CNOT8: variants seen among roughly 807,000 people sequenced by gnomAD.
The protein encoded by CNOT8 is CAF1-like protein.
A neutral mutation model predicts 34.6 loss-of-function variants in CNOT8; 18 were observed. The observed-to-expected ratio is 0.52, with a 90% confidence interval of 0.36 to 0.77. The LOEUF (loss-of-function observed/expected upper bound fraction) is 0.77, where lower values mean the gene tolerates loss of function less well. Ranked by LOEUF, CNOT8 falls within the 30% of genes least tolerant of loss-of-function variation. The pLI, the probability that CNOT8 is intolerant of heterozygous loss-of-function variation, is 0.00. For missense variants in CNOT8, 189 were observed against 347.9 expected (o/e 0.54, Z 3.63); for synonymous variants, 101 against 118.8 (o/e 0.85, Z 0.98).
Position 154,875,780 on chromosome 5 carries a change from A to AC in CNOT8, c.*343dup, listed in dbSNP as rs1463990688. On this transcript the variant is annotated 3_prime_UTR_variant, in exon 7 of 7. Coordinates refer to ENST00000285896, the MANE Select transcript of CNOT8 (RefSeq NM_001301073.2). ...AAGTAGTAAAATGTATATAACTCTT[A>AC]CCTGTTGTCATTCTTTTTCTTTTAA... The AC allele has an allele frequency of 5.6e-6, 1 of 179,470 alleles. No individual in the cohort carries two copies. Among genetic ancestry groups the AC allele is most frequent in the Non-Finnish European group, 1.2e-5 (1 of 84,878 alleles). 11.1% of individuals were successfully genotyped at this position (179,470 alleles called of 1,614,324 possible).
At chr5:154,873,333 C>T (rs758991859) in intron 6 of CNOT8, among the ~76,000 whole-genome samples, 49 of 152,232 alleles carry the variant, frequency 3.2e-4, no homozygotes, top group Non-Finnish European at 6.6e-4. Context: ...TTTCCAGTAA[C>T]CAAGTATTCT....
intron 1 of CNOT8, 130 bp downstream of exon 1, chr5:154,858,898 C>G (rs994017079): frequency 6.6e-6 from 1 of 152,160 alleles, no homozygotes; most frequent in Non-Finnish European, 1.5e-5. Flanking sequence ...GGAGAGGAAC[C>G]CCAGCAAAGA....
intron 4 of CNOT8, among the ~76,000 whole-genome samples, chr5:154,871,285 G>A (rs1762459117): frequency 6.6e-6 from 1 of 152,048 alleles, no homozygotes; most frequent in Non-Finnish European, 1.5e-5. Context: ...TAGGCCGGGC[G>A]CAGTGGCTCA....
chr5:154,872,091 C>G, intron 5 of CNOT8, among the ~76,000 whole-genome samples: 1 of 152,156 alleles, frequency 6.6e-6, no homozygotes, highest in South Asian at 2.1e-4. Context: ...CATCTTAAGG[C>G]AGGCATTCTT....
At chr5:154,875,065 T>C (rs151108307) in intron 6 of CNOT8, among the ~76,000 whole-genome samples, 1,728 of 152,016 alleles carry the variant, frequency 0.011, 28 homozygotes, top group African/African-American at 0.04. Context: ...TACAGGTATG[T>C]GCCACCATGC....
chr5:154,860,571 G>T (rs113126939), intron 1 of CNOT8, among the ~76,000 whole-genome samples: 1 of 152,144 alleles, frequency 6.6e-6, no homozygotes, highest in Non-Finnish European at 1.5e-5. Flanking sequence ...CCTCTCAAAA[G>T]TGCTGGGATT....
chr5:154,860,611 T>C (rs1761241383), intron 1 of CNOT8, among the ~76,000 whole-genome samples: 1 of 152,220 alleles, frequency 6.6e-6, no homozygotes, highest in African/African-American at 2.4e-5. Flanking sequence ...CTTATCCTGC[T>C]GGTATTTAAG....
intron 3 of CNOT8, among the ~76,000 whole-genome samples, chr5:154,869,065 C>T (rs755867181): frequency 1.1e-4 from 16 of 152,060 alleles, no homozygotes; most frequent in South Asian, 4.2e-4. Flanking sequence ...CTGGAAGGCG[C>T]GTCAGGTCAT....
chr5:154,864,606 G>A (rs77565976), intron 2 of CNOT8, among the ~76,000 whole-genome samples: 3,465 of 151,956 alleles, frequency 0.023, 127 homozygotes, highest in African/African-American at 0.08. Context: ...TTCATATATT[G>A]TTCTCTACCT....
intron 2 of CNOT8, 48 bp downstream of exon 2, chr5:154,863,443 G>C (rs775403405): frequency 7.1e-7 from 1 of 1,409,620 alleles, no homozygotes; most frequent in Non-Finnish European, 1.0e-6. Flanking sequence ...TTTAAAGTTG[G>C]GGTCTTGCTC....
intron 6 of CNOT8, 145 bp from the exon 7 acceptor site, chr5:154,875,145 G>A (rs1164137580): frequency 6.1e-6 from 5 of 819,040 alleles, no homozygotes; most frequent in Non-Finnish European, 7.7e-6. Context: ...TCGACCTCCT[G>A]ACCCCAAGTG....
chr5:154,870,686 A>G lies in CNOT8; in HGVS notation c.337A>G (p.Ile113Val). Residue 113 changes from isoleucine (I) to valine (V), a missense_variant, in exon 4 of 7, where the codon ATA (isoleucine) becomes GTA (valine). Around this residue, in one of 2 missense-constraint regions of CNOT8, gnomAD observed 160 missense variants for 321.9 expected, o/e 0.50. Transcript: ENST00000285896. ...LTEDMYSQDSIDLLANSGLQF... is the reference protein window; with the variant it reads ...LTEDMYSQDSVDLLANSGLQF... ...AGAGGACATGTACTCCCAGGATTCC[A>G]TAGATCTCCTTGCTAACTCAGGACT... The G allele has an allele frequency of 1.2e-6, 2 of 1,614,054 alleles. No individual in the cohort carries two copies. The highest frequency in any genetic ancestry group is 1.1e-5 in the South Asian group (1 of 91,046).
intron 1 of CNOT8, among the ~76,000 whole-genome samples, chr5:154,861,054 G>C (rs1298305906): frequency 3.3e-5 from 5 of 152,090 alleles, no homozygotes; most frequent in Non-Finnish European, 7.4e-5. Flanking sequence ...ATTTCAGTTA[G>C]GGAAATAAGG....
At chr5:154,867,753 A>G (rs2113327709) in intron 3 of CNOT8, 1 of 252,224 alleles carries the variant, frequency 4.0e-6, no homozygotes, top group Non-Finnish European at 8.2e-6. Context: ...ACATAGGAGA[A>G]CAGACAACAC....
chr5:154,863,078 G>A (rs765150908), intron 1 of CNOT8, 129 bp from the exon 2 acceptor site: 161 of 489,796 alleles, frequency 3.3e-4, no homozygotes, highest in Non-Finnish European at 5.0e-4. Flanking sequence ...CATATAAAAT[G>A]GAGAATAAAT....
intron 3 of CNOT8, among the ~76,000 whole-genome samples, chr5:154,869,118 T>TG (rs1253021171): frequency 2.0e-5 from 3 of 151,888 alleles, no homozygotes; most frequent in African/African-American, 7.3e-5. Flanking sequence ...ATTTTTTTGT[T>TG]GGTTTATTTT....
intron 3 of CNOT8, among the ~76,000 whole-genome samples, chr5:154,866,631 G>A (rs765600365): frequency 1.5e-4 from 23 of 152,168 alleles, no homozygotes; most frequent in Non-Finnish European, 2.2e-4. Context: ...GCAGCCGGGC[G>A]TGGTGGCTCA....
intron 3 of CNOT8, chr5:154,867,674 C>A: frequency 3.7e-6 from 1 of 271,944 alleles, no homozygotes; most frequent in South Asian, 2.9e-5. Context: ...CTTCAAAGAA[C>A]TTTTTTCCTT....
chr5:154,866,699 G>GT (rs1761912122), intron 3 of CNOT8, among the ~76,000 whole-genome samples: 3 of 152,154 alleles, frequency 2.0e-5, no homozygotes, highest in Non-Finnish European at 4.4e-5. Context: ...GATCACTTGA[G>GT]GCCAGGAGTT....
Sources: allele counts gnomAD v4.1 joint callset (sites outside exome capture counted in the v4.1 genomes callset), GRCh38; gene constraint gnomAD v4.1.1; regional missense constraint gnomAD v4.1.1; transcripts MANE v1.5; gene names NCBI Gene and HGNC (gene_info 2026-07-23, HGNC 2026-07-21).